Variants in ANKS1B observed in about 807,000 individuals in gnomAD.
ANKS1B encodes the protein ankyrin repeat and sterile alpha motif domain containing 1B.
ANKS1B carries 36 observed loss-of-function variants against 148.3 expected under a neutral mutation model. The ratio of observed to expected loss-of-function variants is 0.24; its 90% CI spans 0.19 to 0.32. ANKS1B has a LOEUF of 0.32. ANKS1B is among the 10% of genes least tolerant of loss of function. The probability of loss-of-function intolerance (pLI) is 1.00; values close to 1 mark genes in which losing one functional copy is unlikely to be tolerated. For missense variants in ANKS1B, 1,157 were observed against 1,542.6 expected, an observed-to-expected ratio of 0.75 and a Z score of 4.19; for synonymous variants, 542 against 560.8, an observed-to-expected ratio of 0.97 and a Z score of 0.47.
chr12:99,250,306 G>A (rs1363934042), intron 12 of ANKS1B, among the ~76,000 whole-genome samples: 10 of 152,332 alleles, frequency 6.6e-5, no homozygotes, highest in Middle Eastern at 6.8e-3. Context: ...TGGGCTCTAC[G>A]ATTGTTAGTT....
intron 1 of ANKS1B, among the ~76,000 whole-genome samples, chr12:99,886,945 T>A (rs1160851376): frequency 1.3e-5 from 2 of 152,188 alleles, no homozygotes; most frequent in African/African-American, 2.4e-5. Context: ...TAAAAATTCC[T>A]CTAGAACAAC....
chr12:99,190,606 T>A (rs1215727149), intron 14 of ANKS1B, among the ~76,000 whole-genome samples: 2 of 152,202 alleles, frequency 1.3e-5, no homozygotes, highest in African/African-American at 4.8e-5. Context: ...GATTCCCTAT[T>A]TAATAAATAC....
At chr12:99,553,926 C>A (rs1232098444) in intron 9 of ANKS1B, among the ~76,000 whole-genome samples, 2 of 152,160 alleles carry the variant, frequency 1.3e-5, no homozygotes, top group Non-Finnish European at 2.9e-5. Flanking sequence ...CCACGATGGT[C>A]TACTGTGTCT....
chr12:99,326,057 A>T (rs1052929959), intron 12 of ANKS1B, among the ~76,000 whole-genome samples: 1 of 152,090 alleles, frequency 6.6e-6, no homozygotes, highest in Middle Eastern at 3.4e-3. Flanking sequence ...AAACCATCAA[A>T]TCTCATGAGA....
At chr12:99,853,626 C>A (rs2088422090) in intron 1 of ANKS1B, among the ~76,000 whole-genome samples, 1 of 152,060 alleles carries the variant, frequency 6.6e-6, no homozygotes, top group Non-Finnish European at 1.5e-5. Flanking sequence ...ACGTAGCTTA[C>A]CCAGAAAAAC....
At chr12:99,099,472 T>C (rs1309698793) in intron 15 of ANKS1B, among the ~76,000 whole-genome samples, 2 of 152,198 alleles carry the variant, frequency 1.3e-5, no homozygotes, top group Non-Finnish European at 2.9e-5. Flanking sequence ...GTGCCCTGCA[T>C]AGGAGGCACG....
chr12:99,131,568 G>A (rs765701905), intron 15 of ANKS1B, among the ~76,000 whole-genome samples: 7 of 152,146 alleles, frequency 4.6e-5, no homozygotes, highest in Non-Finnish European at 1.0e-4. Context: ...TTCCTGTAAA[G>A]TTATTTTTCC....
intron 17 of ANKS1B, among the ~76,000 whole-genome samples, chr12:99,038,525 G>A (rs1194398930): frequency 6.6e-6 from 1 of 152,112 alleles, no homozygotes; most frequent in Non-Finnish European, 1.5e-5. Flanking sequence ...CAGCCAAAGT[G>A]AGCCTTTCAA....
chr12:99,926,593 T>C (rs1200809211), intron 1 of ANKS1B, among the ~76,000 whole-genome samples: 2 of 152,200 alleles, frequency 1.3e-5, no homozygotes, highest in African/African-American at 4.8e-5. Context: ...CTCCTGGATC[T>C]CCAGCTTGCA....
rs150496096 is a variant in ANKS1B at position 99,740,781 on chromosome 12, C to T, written c.1128+32141G>A. On this transcript the variant is annotated intron_variant, in intron 8 of 26. Coordinates refer to ENST00000683438, the MANE Select transcript of ANKS1B (RefSeq NM_001352186.2). Reference sequence around the variant, plus strand: ...AAGCTGGGTGGGGCATCCCCTCACCCGGGAAGTGCAAGGGGTTGGGAAATT... The same window carrying T: ...AAGCTGGGTGGGGCATCCCCTCACCTGGGAAGTGCAAGGGGTTGGGAAATT... Among the ~76,000 whole-genome samples, 488 of 152,148 alleles carry T rather than the reference C, an allele frequency of 3.2e-3. 3 individuals are homozygous for T. The Middle Eastern group carries it at 0.037, about 12-fold the overall frequency.
At chr12:99,814,144 ATCACTTAGATTTGTGTAAGTGCAC>A (rs2153669549) in intron 2 of ANKS1B, among the ~76,000 whole-genome samples, 1 of 151,772 alleles carries the variant, frequency 6.6e-6, no homozygotes, top group South Asian at 2.1e-4. Context: ...GACAGGCTAT[ATCACTTAGATTTGTGTAAGTGCAC>A]TCTATGATGT....
chr12:98,743,414 T>TGAGTA (rs1403723134), downstream of ANKS1B, among the ~76,000 whole-genome samples: 1 of 152,228 alleles, frequency 6.6e-6, no homozygotes, highest in Non-Finnish European at 1.5e-5. Flanking sequence ...AGTCCTTTTT[T>TGAGTA]GAGTAATGAT....
intron 14 of ANKS1B, among the ~76,000 whole-genome samples, chr12:99,243,876 G>T (rs1470569000): frequency 6.6e-6 from 1 of 152,126 alleles, no homozygotes; most frequent in Non-Finnish European, 1.5e-5. Flanking sequence ...TTGCGGGGTG[G>T]GGAGCTGGGG....
intron 11 of ANKS1B, among the ~76,000 whole-genome samples, chr12:99,425,938 T>C (rs1201623140): frequency 6.6e-6 from 1 of 152,158 alleles, no homozygotes; most frequent in Admixed American, 6.5e-5. Context: ...ATCTTTTCCT[T>C]TGGTATTACT....
chr12:99,303,585 A>G (rs1331855313), intron 12 of ANKS1B, among the ~76,000 whole-genome samples: 10 of 152,152 alleles, frequency 6.6e-5, no homozygotes, highest in Non-Finnish European at 1.5e-4. Flanking sequence ...TTGTATAAAG[A>G]AAAATAAGGC....
intron 9 of ANKS1B, among the ~76,000 whole-genome samples, chr12:99,549,335 AAAAGACTAGG>A (rs1596815077): frequency 1.3e-5 from 2 of 152,214 alleles, no homozygotes; most frequent in East Asian, 3.9e-4. Flanking sequence ...AAGTTGAGGC[AAAAGACTAGG>A]AAGTTTAAGA....
At chr12:99,314,074 G>A (rs1056203117) in intron 12 of ANKS1B, among the ~76,000 whole-genome samples, 1 of 152,006 alleles carries the variant, frequency 6.6e-6, no homozygotes, top group Non-Finnish European at 1.5e-5. Flanking sequence ...CAAAGTCTCA[G>A]GATACAAAAT....
At chr12:98,870,559 G>T (rs908005823) in intron 17 of ANKS1B, among the ~76,000 whole-genome samples, 9 of 152,222 alleles carry the variant, frequency 5.9e-5, no homozygotes, top group African/African-American at 2.2e-4. Flanking sequence ...AGGGAGTCCA[G>T]CTGGGAGATG....
chr12:99,170,970 T>C (rs2077693423), intron 14 of ANKS1B, among the ~76,000 whole-genome samples: 1 of 152,204 alleles, frequency 6.6e-6, no homozygotes, highest in Non-Finnish European at 1.5e-5. Flanking sequence ...AAGGTACTGG[T>C]TTAAAAAAAG....
Sources: allele counts gnomAD v4.1 joint callset (sites outside exome capture counted in the v4.1 genomes callset), GRCh38; gene constraint gnomAD v4.1.1; transcripts MANE v1.5; gene names NCBI Gene and HGNC (gene_info 2026-07-23, HGNC 2026-07-21).